Variants in RABGAP1L observed in about 807,000 individuals in gnomAD.
RABGAP1L encodes RAB GTPase activating protein 1 like.
In RABGAP1L, 63 loss-of-function variants were observed where a neutral mutation model predicts 137.7. The observed-to-expected ratio is 0.46, with a 90% CI of 0.37 to 0.56. RABGAP1L has a LOEUF of 0.56. Among genes scored for constraint, RABGAP1L ranks in the 20% least tolerant of loss-of-function variants. RABGAP1L has a pLI of 0.00. For synonymous variants in RABGAP1L, 431 were observed against 433.7 expected, an observed-to-expected ratio of 0.99 and a Z score of 0.08; for missense variants, 1,095 against 1,244.0, an observed-to-expected ratio of 0.88 and a Z score of 1.80.
intron 19 of RABGAP1L, among the ~76,000 whole-genome samples, chr1:174,925,745 ATTTG>A (rs1662678887): frequency 6.6e-6 from 1 of 151,520 alleles, no homozygotes; most frequent in African/African-American, 2.4e-5. Context: ...TTTTTTGAAT[ATTTG>A]TTTTTCTTTT....
chr1:174,628,302 G>A (rs1345283759), intron 13 of RABGAP1L, among the ~76,000 whole-genome samples: 2 of 151,992 alleles, frequency 1.3e-5, no homozygotes, highest in Non-Finnish European at 2.9e-5. Context: ...TAAAGGAATT[G>A]GTTTCATAAT....
At chr1:174,864,334 A>G (rs1263754647) in intron 19 of RABGAP1L, among the ~76,000 whole-genome samples, 2 of 152,108 alleles carry the variant, frequency 1.3e-5, no homozygotes, top group East Asian at 3.9e-4. Context: ...TCTCAGACCT[A>G]TTTTCTTCAC....
At chr1:174,551,178 C>T (rs1382958183) in intron 13 of RABGAP1L, among the ~76,000 whole-genome samples, 1 of 149,930 alleles carries the variant, frequency 6.7e-6, no homozygotes, top group African/African-American at 2.5e-5. Flanking sequence ...CACTGCACTC[C>T]AGCCTGGGCG....
At chr1:174,164,212 A>G (rs1428368529) in intron 1 of RABGAP1L, among the ~76,000 whole-genome samples, 1 of 152,000 alleles carries the variant, frequency 6.6e-6, no homozygotes, top group Non-Finnish European at 1.5e-5. Context: ...CTTGGCTGAT[A>G]TTCCATAAAC....
In RABGAP1L at chr1:174,981,550, C is replaced by CTTTTTTTTTTTTTTTTTTTTT. The variant is rs10556099; in HGVS notation, c.2734-1273_2734-1253dup. 2.6e-4 allele frequency among the ~76,000 whole-genome samples: 17 copies of CTTTTTTTTTTTTTTTTTTTTT among 66,434 alleles called. 1 individual carries two copies. Among genetic ancestry groups the CTTTTTTTTTTTTTTTTTTTTT allele is most frequent in the South Asian group, 6.6e-4 (1 of 1,514 alleles). The allele number at this position is 66,434 out of a possible 152,430, so 43.6% of individuals were successfully genotyped here. ...AATTTCACATCCCCTGTTTTTCCAT[C>CTTTTTTTTTTTTTTTTTTTTT]TTTTTTTTTTTTTTTTTTTTTTTTT... is the stretch of plus-strand genomic sequence containing the variant. On this transcript the variant is annotated intron_variant, in intron 23 of 25. Transcript: ENST00000681986.
chr1:174,257,509 C>G (rs1673229739), intron 7 of RABGAP1L, among the ~76,000 whole-genome samples: 1 of 152,144 alleles, frequency 6.6e-6, no homozygotes, highest in Non-Finnish European at 1.5e-5. Context: ...AAAACAATAA[C>G]TTAGAAATGT....
chr1:174,701,155 A>G, intron 16 of RABGAP1L: 1 of 1,304,536 alleles, frequency 7.7e-7, no homozygotes, highest in Non-Finnish European at 1.0e-6. Flanking sequence ...GGTAATAGCT[A>G]TGCTAATACT....
chr1:174,765,011 C>T (rs1573085189), intron 18 of RABGAP1L, among the ~76,000 whole-genome samples: 1 of 152,098 alleles, frequency 6.6e-6, no homozygotes, highest in Non-Finnish European at 1.5e-5. Flanking sequence ...CTCATCTGTC[C>T]GTGTCAGGTA....
intron 13 of RABGAP1L, among the ~76,000 whole-genome samples, chr1:174,634,850 A>T (rs1328715727): frequency 7.3e-6 from 1 of 136,706 alleles, no homozygotes; most frequent in African/African-American, 2.8e-5. Context: ...ACATGGACAC[A>T]GGAAGGGGAA....
chr1:174,205,637 TTTG>T (rs1273491132), intron 1 of RABGAP1L, among the ~76,000 whole-genome samples: 5 of 152,144 alleles, frequency 3.3e-5, no homozygotes, highest in Non-Finnish European at 2.9e-5. Flanking sequence ...TAACATTTCC[TTTG>T]TTATTTCTAA....
At chr1:174,320,181 A>G (rs529944219) in intron 11 of RABGAP1L, among the ~76,000 whole-genome samples, 2 of 152,304 alleles carry the variant, frequency 1.3e-5, no homozygotes, top group African/African-American at 4.8e-5. Flanking sequence ...AATCACCACC[A>G]GAATTATGAT....
At chr1:174,436,570 A>T (rs1653339765) in intron 13 of RABGAP1L, among the ~76,000 whole-genome samples, 1 of 152,060 alleles carries the variant, frequency 6.6e-6, no homozygotes, top group South Asian at 2.1e-4. Flanking sequence ...TTGTCAGATG[A>T]GTAGGCTGCA....
At chr1:174,853,769 T>C (rs1030548512) in intron 19 of RABGAP1L, among the ~76,000 whole-genome samples, 1 of 152,148 alleles carries the variant, frequency 6.6e-6, no homozygotes, top group Non-Finnish European at 1.5e-5. Flanking sequence ...GCTAGCTTTG[T>C]TCCAAAGCCC....
chr1:174,261,567 C>G (rs893654581), intron 7 of RABGAP1L, among the ~76,000 whole-genome samples: 1 of 152,168 alleles, frequency 6.6e-6, no homozygotes, highest in African/African-American at 2.4e-5. Flanking sequence ...CTGAAAAAAT[C>G]ACCCAGGGAC....
At chr1:174,297,442 G>A (rs1677225643) in intron 10 of RABGAP1L, among the ~76,000 whole-genome samples, 1 of 152,196 alleles carries the variant, frequency 6.6e-6, no homozygotes. Context: ...GGAAGAGGAA[G>A]GGCCAGGTTC....
At chr1:174,309,181 T>A (rs919470874) in intron 11 of RABGAP1L, among the ~76,000 whole-genome samples, 7 of 152,058 alleles carry the variant, frequency 4.6e-5, no homozygotes, top group African/African-American at 1.7e-4. Flanking sequence ...TAGTTTGCTG[T>A]TACTCTGTAG....
chr1:174,620,036 CAAAG>C (rs2148263458), intron 13 of RABGAP1L, among the ~76,000 whole-genome samples: 1 of 152,188 alleles, frequency 6.6e-6, no homozygotes, highest in South Asian at 2.1e-4. Flanking sequence ...TCAAAAGAGA[CAAAG>C]AAGGCCATTA....
intron 19 of RABGAP1L, among the ~76,000 whole-genome samples, chr1:174,896,721 G>C (rs531212149): frequency 1.1e-4 from 16 of 152,140 alleles, no homozygotes; most frequent in Admixed American, 5.2e-4. Context: ...TCTTGTTTTT[G>C]TCAGGTTTGT....
intron 19 of RABGAP1L, chr1:174,874,376 G>T: frequency 1.4e-6 from 1 of 706,882 alleles, no homozygotes; most frequent in Non-Finnish European, 1.7e-6. Flanking sequence ...TGAGGAAACT[G>T]AAACCTAGCG....
Sources: allele counts gnomAD v4.1 joint callset (sites outside exome capture counted in the v4.1 genomes callset), GRCh38; gene constraint gnomAD v4.1.1; transcripts MANE v1.5; gene names NCBI Gene and HGNC (gene_info 2026-07-23, HGNC 2026-07-21).